The following JARID2 variants were observed in gnomAD, a reference collection of about 807,000 sequenced individuals.
JARID2 encodes jumonji and AT-rich interaction domain containing 2, also known as protein Jumonji.
A neutral mutation model predicts 125.6 loss-of-function variants in JARID2; 21 were observed. That is an observed-to-expected ratio of 0.17 (90% CI 0.12 to 0.24). JARID2 has a LOEUF of 0.24. JARID2 is among the 10% of genes least tolerant of loss of function. JARID2 has a pLI of 1.00. For synonymous variants in JARID2, 736 were observed against 661.6 expected (o/e 1.11, Z -1.73); for missense variants, 1,303 against 1,639.6 (o/e 0.79, Z 3.55).
At chr6:15,502,022 G>T (rs1163569025) in intron 8 of JARID2, among the ~76,000 whole-genome samples, 1 of 152,198 alleles carries the variant, frequency 6.6e-6, no homozygotes, top group African/African-American at 2.4e-5. Context: ...AGCGTTGCCA[G>T]GTCCTCTCTG....
chr6:15,415,548 AGAGGCGCCCCTCACCT>A lies in JARID2; in HGVS notation c.323+5184_323+5199del, dbSNP rs1561847274. Among the ~76,000 whole-genome samples the A allele has an allele frequency of 3.7e-3, 505 of 137,118 alleles. 4 individuals are homozygous for A. The highest frequency in any genetic ancestry group is 0.015 in the African/African-American group (474 of 32,576). 90.0% of individuals were successfully genotyped at this position (137,118 alleles called of 152,430 possible). A position where few individuals can be genotyped will look rare whatever the true frequency, so the allele number is the denominator to read the frequency against. On this transcript the variant is annotated intron_variant, in intron 3 of 17. Coordinates refer to ENST00000341776, the MANE Select transcript of JARID2 (RefSeq NM_004973.4). ...CAGAGGCGCCCCTCACCTCCCGGGC[AGAGGCGCCCCTCACCT>A]CCCGGACGGGGCTGCTGGCCGGGCG...
intron 1 of JARID2, among the ~76,000 whole-genome samples, chr6:15,309,058 T>TGCAG (rs1761928247): frequency 1.3e-5 from 2 of 152,212 alleles, no homozygotes; most frequent in African/African-American, 4.8e-5. Flanking sequence ...CCTGAATAGT[T>TGCAG]TAAGTAGCTG....
At chr6:15,291,514 A>G (rs1439960739) in intron 1 of JARID2, among the ~76,000 whole-genome samples, 1 of 152,152 alleles carries the variant, frequency 6.6e-6, no homozygotes, top group Non-Finnish European at 1.5e-5. Context: ...GCTTAAATGA[A>G]GAAGGGGAGT....
chr6:15,363,182 TAG>T (rs1342082357), intron 1 of JARID2, among the ~76,000 whole-genome samples: 5 of 152,056 alleles, frequency 3.3e-5, no homozygotes, highest in Non-Finnish European at 7.4e-5. Context: ...ATTTGGCAAT[TAG>T]AGTGTTTCTC....
chr6:15,343,698 C>T (rs1472355141), intron 1 of JARID2, among the ~76,000 whole-genome samples: 1 of 152,136 alleles, frequency 6.6e-6, no homozygotes, highest in Admixed American at 6.5e-5. Context: ...CTTCAGTTAT[C>T]TTTGACAGAA....
intron 1 of JARID2, among the ~76,000 whole-genome samples, chr6:15,291,250 C>G (rs1430275734): frequency 2.6e-5 from 4 of 152,170 alleles, no homozygotes; most frequent in Admixed American, 2.6e-4. Context: ...AATAAAAATT[C>G]ACATGAGAAG....
rs544739295 is a variant in JARID2 at position 15,346,203 on chromosome 6, G to T, written c.46-27914G>T. On this transcript the variant is annotated intron_variant, in intron 1 of 17. Transcript: ENST00000341776. ...TTTAAATGTGCTTCCCAAAGATCCT[G>T]GCTTCCATTAAGATATTCATTTATT... is the stretch of plus-strand genomic sequence containing the variant. Among the ~76,000 whole-genome samples, 36 of 152,240 alleles carry T rather than the reference G, an allele frequency of 2.4e-4. 1 individual carries two copies. In the South Asian group the frequency reaches 7.5e-3, roughly 32 times the overall value.
chr6:15,336,056 G>T (rs1395641633), intron 1 of JARID2, among the ~76,000 whole-genome samples: 1 of 151,962 alleles, frequency 6.6e-6, no homozygotes, highest in Non-Finnish European at 1.5e-5. Flanking sequence ...CTGCACTCCA[G>T]TCTGGGTGAC....
At chr6:15,385,133 C>G (rs1341015396) in intron 2 of JARID2, among the ~76,000 whole-genome samples, 1 of 152,238 alleles carries the variant, frequency 6.6e-6, no homozygotes, top group Non-Finnish European at 1.5e-5. Context: ...TGGCTGGCCA[C>G]TTGATTGGGC....
chr6:15,255,277 G>A (rs1759619807), intron 1 of JARID2, among the ~76,000 whole-genome samples: 1 of 149,874 alleles, frequency 6.7e-6, no homozygotes, highest in African/African-American at 2.5e-5. Context: ...GCTAATTTTT[G>A]TATTTTTAGT....
chr6:15,437,750 G>A (rs750481080), intron 3 of JARID2, among the ~76,000 whole-genome samples: 2 of 151,910 alleles, frequency 1.3e-5, no homozygotes, highest in African/African-American at 2.4e-5. Flanking sequence ...GTTGCAGTGA[G>A]CTGAGATCAC....
At chr6:15,249,605 C>T (rs1202845418) in intron 1 of JARID2, among the ~76,000 whole-genome samples, 2 of 152,120 alleles carry the variant, frequency 1.3e-5, no homozygotes, top group Admixed American at 6.5e-5. Context: ...AACAGTATGC[C>T]TCTTTATAAG....
At chr6:15,403,159 C>T (rs1007631285) in intron 2 of JARID2, among the ~76,000 whole-genome samples, 1 of 152,158 alleles carries the variant, frequency 6.6e-6, no homozygotes, top group African/African-American at 2.4e-5. Flanking sequence ...CATTTATGTT[C>T]ACAGTGGTGA....
intron 1 of JARID2, among the ~76,000 whole-genome samples, chr6:15,297,970 T>C (rs1761474420): frequency 6.6e-6 from 1 of 152,192 alleles, no homozygotes; most frequent in African/African-American, 2.4e-5. Context: ...CTTATATTTA[T>C]TCAATGAAAT....
intron 17 of JARID2, among the ~76,000 whole-genome samples, chr6:15,517,987 G>GC (rs1327568663): frequency 5.3e-5 from 8 of 152,244 alleles, no homozygotes; most frequent in African/African-American, 1.9e-4. Flanking sequence ...GTGTCTGGGG[G>GC]CCCAGGCAGT....
intron 1 of JARID2, among the ~76,000 whole-genome samples, chr6:15,309,510 G>A (rs922277413): frequency 6.6e-6 from 1 of 152,030 alleles, no homozygotes; most frequent in Non-Finnish European, 1.5e-5. Context: ...GTTCCGTGCA[G>A]TCATTAAAAT....
At chr6:15,378,403 G>A (rs1340301901) in intron 2 of JARID2, among the ~76,000 whole-genome samples, 1 of 146,078 alleles carries the variant, frequency 6.8e-6, no homozygotes, top group Non-Finnish European at 1.5e-5. Flanking sequence ...CCCAGAGAAG[G>A]GTGGGTGGTG....
chr6:15,497,669 T>C (rs1005584129), intron 7 of JARID2, among the ~76,000 whole-genome samples: 4 of 134,986 alleles, frequency 3.0e-5, no homozygotes, highest in East Asian at 2.0e-4. Flanking sequence ...AAAAAAAGTA[T>C]TGAGCTTGGA....
intron 1 of JARID2, among the ~76,000 whole-genome samples, chr6:15,255,870 A>G (rs1386810576): frequency 1.3e-5 from 2 of 152,160 alleles, no homozygotes; most frequent in African/African-American, 4.8e-5. Flanking sequence ...AAGTAATGAA[A>G]TGCCTCAGAT....
Sources: gnomAD v4.1 joint callset for allele counts (sites outside exome capture counted in the v4.1 genomes callset) on GRCh38, gnomAD v4.1.1 for gene constraint, MANE v1.5 for transcripts, NCBI Gene and HGNC (gene_info 2026-07-23, HGNC 2026-07-21) for gene names.